NHSL1: variants seen among roughly 807,000 people sequenced by gnomAD.
NHSL1 encodes the protein NHS like 1.
In NHSL1, 48 loss-of-function variants were observed where a neutral mutation model predicts 95.0. That is an observed-to-expected ratio of 0.51 (90% confidence interval 0.40 to 0.64). NHSL1 has a LOEUF of 0.64. NHSL1 is among the 30% of genes least tolerant of loss of function. NHSL1 has a pLI of 0.00. For synonymous variants in NHSL1, 783 were observed against 833.9 expected (o/e 0.94, Z 1.05); for missense variants, 1,971 against 2,077.7 (o/e 0.95, Z 1.00).
chr6:138,455,537 CATGCTCCCTGCAAGGAGCCCCGCCTTCG>C (rs1777551529), intron 3 of NHSL1, among the ~76,000 whole-genome samples: 1 of 114,856 alleles, frequency 8.7e-6, no homozygotes, highest in Non-Finnish European at 2.1e-5. Flanking sequence ...CCCGCCTTCA[CATGCTCCCTGCAAGGAGCCCCGCCTTCG>C]CATGCTTCCT....
At chr6:138,514,287 C>T (rs572568605) in intron 1 of NHSL1, among the ~76,000 whole-genome samples, 2 of 152,068 alleles carry the variant, frequency 1.3e-5, no homozygotes, top group South Asian at 4.2e-4. Context: ...CACTGCACTC[C>T]AGCCTGGGTG....
chr6:138,682,809 G>A (rs1409396327), intron 1 of NHSL1, among the ~76,000 whole-genome samples: 2 of 152,160 alleles, frequency 1.3e-5, no homozygotes, highest in African/African-American at 4.8e-5. Flanking sequence ...CAGGGGCGGG[G>A]CCACCTGGGG....
upstream of NHSL1, chr6:138,545,738 CAG>C (rs1355830415): frequency 6.4e-6 from 8 of 1,248,082 alleles, no homozygotes; most frequent in African/African-American, 7.8e-5. Flanking sequence ...CGCTCACTGC[CAG>C]AGAGCGGGGC....
At chr6:138,444,990 C>T (rs890473599) in intron 4 of NHSL1, among the ~76,000 whole-genome samples, 5 of 152,136 alleles carry the variant, frequency 3.3e-5, no homozygotes, top group Non-Finnish European at 7.4e-5. Context: ...TCTTTATTGT[C>T]ATTCACCTTT....
upstream of NHSL1, among the ~76,000 whole-genome samples, chr6:138,573,409 G>C (rs1783909381): frequency 6.6e-6 from 1 of 152,166 alleles, no homozygotes; most frequent in African/African-American, 2.4e-5. Context: ...GTAGCACTTT[G>C]CTTTACTCAG....
Position 138,571,639 on chromosome 6 carries a change from G to A in NHSL1, c.202+71C>T, listed in dbSNP as rs944572266. 2.2e-6 allele frequency: 3 copies of A among 1,381,040 alleles called. No individual in the cohort carries two copies. The African/African-American group carries it at 4.4e-5, about 20-fold the overall frequency. The allele number at this position is 1,381,040 out of a possible 1,614,324, so 85.5% of individuals were successfully genotyped here. ...AATGGGGGCAAAAATCATGAAGGGG[G>A]AGTGATAGAAACAAAGAATTCTACA... On this transcript the variant is annotated intron_variant, in intron 1 of 6. Coordinates refer to the NHSL1 transcript ENST00000427025.
intron 1 of NHSL1, among the ~76,000 whole-genome samples, chr6:138,657,953 C>G (rs1785179134): frequency 6.7e-6 from 1 of 148,588 alleles, no homozygotes; most frequent in African/African-American, 2.5e-5. Flanking sequence ...AAAAACTGAA[C>G]ATATTTCTTA....
upstream of NHSL1, chr6:138,692,663 C>T (rs1444659172): frequency 6.5e-6 from 1 of 154,864 alleles, no homozygotes; most frequent in Non-Finnish European, 1.4e-5. This position sits in a 1 kb window ranked among gnomAD's most constrained non-coding sequence, Gnocchi z 4.0. Context: ...GCGAGCTGAC[C>T]TGCTCCAGCG....
intron 1 of NHSL1, among the ~76,000 whole-genome samples, chr6:138,517,433 C>T (rs1269383336): frequency 6.6e-6 from 1 of 152,056 alleles, no homozygotes; most frequent in Non-Finnish European, 1.5e-5. Flanking sequence ...TGAGTTTTCC[C>T]CAATTTTAGT....
At chr6:138,464,049 C>T (rs1046450726) in intron 3 of NHSL1, 8 of 398,510 alleles carry the variant, frequency 2.0e-5, no homozygotes, top group African/African-American at 1.7e-4. Flanking sequence ...TAAATATTTA[C>T]TCAGTAAATG....
At chr6:138,532,309 C>T (rs1453006120) in intron 1 of NHSL1, among the ~76,000 whole-genome samples, 1 of 152,166 alleles carries the variant, frequency 6.6e-6, no homozygotes, top group Non-Finnish European at 1.5e-5. Flanking sequence ...ACACTTCATC[C>T]TGAAGGCAAT....
chr6:138,489,841 AGAGG>A (rs1562321456), intron 2 of NHSL1, among the ~76,000 whole-genome samples: 10 of 71,978 alleles, frequency 1.4e-4, no homozygotes, highest in African/African-American at 6.5e-4. Context: ...AGAGAGAGAG[AGAGG>A]GAGAGAGGGA....
At chr6:138,547,738 G>A (rs1226434868), upstream of NHSL1, among the ~76,000 whole-genome samples, 1 of 152,144 alleles carries the variant, frequency 6.6e-6, no homozygotes, top group Non-Finnish European at 1.5e-5. Flanking sequence ...TTTCATTTGT[G>A]TAAACCATGA....
intron 1 of NHSL1, among the ~76,000 whole-genome samples, chr6:138,497,332 G>A (rs969136108): frequency 2.0e-5 from 3 of 152,150 alleles, no homozygotes; most frequent in African/African-American, 7.2e-5. Flanking sequence ...AAAGGTACTG[G>A]AGAAAGTCCT....
At chr6:138,627,905 A>C (rs1784764496) in intron 1 of NHSL1, among the ~76,000 whole-genome samples, 1 of 152,098 alleles carries the variant, frequency 6.6e-6, no homozygotes, top group South Asian at 2.1e-4. Flanking sequence ...AAAAATTTAA[A>C]AAATTTATTT....
chr6:138,596,337 T>C (rs1268328414), intron 1 of NHSL1, among the ~76,000 whole-genome samples: 1 of 152,144 alleles, frequency 6.6e-6, no homozygotes, highest in African/African-American at 2.4e-5. Context: ...GAATAAACAA[T>C]ACAACATCTC....
At chr6:138,515,908 A>AGT (rs1224838552) in intron 1 of NHSL1, among the ~76,000 whole-genome samples, 1 of 152,134 alleles carries the variant, frequency 6.6e-6, no homozygotes, top group Non-Finnish European at 1.5e-5. Flanking sequence ...GGGAATACTG[A>AGT]GTGTGTGTGT....
At chr6:138,571,436 T>C (rs1033964601) in intron 1 of NHSL1, 18 of 398,762 alleles carry the variant, frequency 4.5e-5, no homozygotes, top group Middle Eastern at 7.4e-4. Flanking sequence ...ACAAGTCACA[T>C]GAGCATGTGG....
intron 1 of NHSL1, among the ~76,000 whole-genome samples, chr6:138,652,381 G>A (rs931510412): frequency 1.3e-5 from 2 of 151,210 alleles, no homozygotes; most frequent in Non-Finnish European, 2.9e-5. Flanking sequence ...CAGAGGTTGC[G>A]GTGAGCTGAG....
Sources: allele counts gnomAD v4.1 joint callset (sites outside exome capture counted in the v4.1 genomes callset), GRCh38; gene constraint gnomAD v4.1.1; non-coding constraint Gnocchi (gnomAD v3.1); transcripts MANE v1.5; gene names NCBI Gene and HGNC (gene_info 2026-07-23, HGNC 2026-07-21).